The following KCNAB1 variants were observed in gnomAD, a reference collection of about 807,000 sequenced individuals.
KCNAB1 encodes potassium voltage-gated channel subfamily A regulatory beta subunit 1.
A neutral mutation model predicts 64.6 loss-of-function variants in KCNAB1; 35 were observed. The ratio of observed to expected loss-of-function variants is 0.54; its 90% CI spans 0.41 to 0.72. KCNAB1 has a LOEUF of 0.72. Among genes scored for constraint, KCNAB1 ranks in the 30% least tolerant of loss-of-function variants. The pLI is 0.00. For missense variants in KCNAB1, 401 were observed against 512.9 expected (o/e 0.78, Z 2.11); for synonymous variants, 177 against 183.8 (o/e 0.96, Z 0.30).
chr3:156,529,573 C>T (rs1214216959), intron 12 of KCNAB1, among the ~76,000 whole-genome samples: 1 of 151,974 alleles, frequency 6.6e-6, no homozygotes, highest in African/African-American at 2.4e-5. Flanking sequence ...GCACAGACTG[C>T]ACCCCAGACC....
chr3:156,505,450 A>G (rs1185408209), intron 8 of KCNAB1, among the ~76,000 whole-genome samples: 1 of 152,158 alleles, frequency 6.6e-6, no homozygotes, highest in East Asian at 1.9e-4. Context: ...TGTAATTGGA[A>G]TTTTGATAGG....
At chr3:156,413,149 A>G (rs1714797718) in intron 1 of KCNAB1, among the ~76,000 whole-genome samples, 1 of 152,202 alleles carries the variant, frequency 6.6e-6, no homozygotes, top group Admixed American at 6.5e-5. Flanking sequence ...ACTACAGTTA[A>G]CTGGAGAGGT....
chr3:156,439,519 C>A (rs1485783699), intron 2 of KCNAB1, among the ~76,000 whole-genome samples: 1 of 152,212 alleles, frequency 6.6e-6, no homozygotes, highest in South Asian at 2.1e-4. Flanking sequence ...GCCAAGCGGA[C>A]CTTAAAATCT....
chr3:156,175,790 C>A, intron 1 of KCNAB1: 1 of 587,452 alleles, frequency 1.7e-6, no homozygotes. Context: ...CTAGCCTGGG[C>A]AATAAATATT....
At chr3:156,144,987 A>G (rs1225376489) in intron 1 of KCNAB1, among the ~76,000 whole-genome samples, 3 of 152,220 alleles carry the variant, frequency 2.0e-5, no homozygotes, top group Non-Finnish European at 4.4e-5. Flanking sequence ...CCTCAGCTAA[A>G]GGTGGGAGCT....
intron 6 of KCNAB1, among the ~76,000 whole-genome samples, chr3:156,465,098 G>C (rs1377523545): frequency 6.6e-6 from 1 of 152,112 alleles, no homozygotes; most frequent in Non-Finnish European, 1.5e-5. Flanking sequence ...CTTGAGAATT[G>C]GGAAGGCAAA....
chr3:156,510,899 CCTCT>C (rs949226299), intron 8 of KCNAB1, among the ~76,000 whole-genome samples: 1 of 152,122 alleles, frequency 6.6e-6, no homozygotes, highest in African/African-American at 2.4e-5. Context: ...CTGCATGGGT[CCTCT>C]CTCTAACCCC....
At chr3:156,276,409 A>C (rs1719349481) in intron 1 of KCNAB1, among the ~76,000 whole-genome samples, 1 of 152,160 alleles carries the variant, frequency 6.6e-6, no homozygotes, top group Non-Finnish European at 1.5e-5. Flanking sequence ...AAAAGTCACC[A>C]GCTGCATTAG....
At chr3:156,168,419 C>T (rs933131996) in intron 1 of KCNAB1, among the ~76,000 whole-genome samples, 2 of 152,052 alleles carry the variant, frequency 1.3e-5, no homozygotes, top group Non-Finnish European at 2.9e-5. Context: ...ATTTAAAAGG[C>T]TGTAGGAAGC....
intron 1 of KCNAB1, among the ~76,000 whole-genome samples, chr3:156,230,675 G>C (rs1254648141): frequency 1.3e-5 from 2 of 152,188 alleles, no homozygotes; most frequent in Non-Finnish European, 2.9e-5. Flanking sequence ...CACACAGCTT[G>C]TGCTATGAAG....
At chr3:156,405,259 A>G (rs1215857221) in intron 1 of KCNAB1, among the ~76,000 whole-genome samples, 1 of 152,190 alleles carries the variant, frequency 6.6e-6, no homozygotes, top group East Asian at 1.9e-4. Flanking sequence ...AGCCTAGGCA[A>G]GATGAAGCCA....
intron 7 of KCNAB1, among the ~76,000 whole-genome samples, chr3:156,470,639 A>G (rs1713818117): frequency 6.6e-6 from 1 of 151,564 alleles, no homozygotes; most frequent in Admixed American, 6.6e-5. Context: ...CCGACTCTAC[A>G]TTTGCCTTTC....
intron 1 of KCNAB1, among the ~76,000 whole-genome samples, chr3:156,318,978 A>G (rs1722479283): frequency 6.6e-6 from 1 of 152,260 alleles, no homozygotes; most frequent in African/African-American, 2.4e-5. Context: ...TTTTCCATTT[A>G]TAGCTTTTTC....
chr3:156,175,544 G>A (rs778740208), intron 1 of KCNAB1, among the ~76,000 whole-genome samples: 68 of 152,314 alleles, frequency 4.5e-4, no homozygotes, highest in Non-Finnish European at 7.1e-4. Flanking sequence ...GCGTGAACCC[G>A]GGAGGCGGAG....
chr3:156,311,004 G>C (rs1293896293), intron 1 of KCNAB1, among the ~76,000 whole-genome samples: 1 of 152,138 alleles, frequency 6.6e-6, no homozygotes, highest in Non-Finnish European at 1.5e-5. Flanking sequence ...CATTTTCTTG[G>C]ATCAACACTA....
intron 1 of KCNAB1, among the ~76,000 whole-genome samples, chr3:156,169,680 G>A (rs1466673712): frequency 2.6e-5 from 4 of 152,270 alleles, no homozygotes; most frequent in South Asian, 4.1e-4. Flanking sequence ...GTGCTGTCTC[G>A]TGATAGAGTC....
At chr3:156,138,713 C>T (rs1577625809) in intron 1 of KCNAB1, among the ~76,000 whole-genome samples, 1 of 152,240 alleles carries the variant, frequency 6.6e-6, no homozygotes, top group Non-Finnish European at 1.5e-5. Flanking sequence ...TTTTAAGATA[C>T]ACAGAACATC....
intron 1 of KCNAB1, among the ~76,000 whole-genome samples, chr3:156,367,252 T>G (rs1459454582): frequency 6.7e-6 from 1 of 149,526 alleles, no homozygotes; most frequent in Non-Finnish European, 1.5e-5. Context: ...CTTGGCTCAC[T>G]GCAGGCTCCA....
chr3:156,440,767 C>T (rs545051102), intron 2 of KCNAB1, among the ~76,000 whole-genome samples: 3 of 151,840 alleles, frequency 2.0e-5, no homozygotes, highest in South Asian at 4.2e-4. Flanking sequence ...TTTTTTAAGC[C>T]GAAATCATTA....
Sources: allele counts gnomAD v4.1 joint callset (sites outside exome capture counted in the v4.1 genomes callset), GRCh38; gene constraint gnomAD v4.1.1; transcripts MANE v1.5; gene names NCBI Gene and HGNC (gene_info 2026-07-23, HGNC 2026-07-21).